The following PDE4D variants were observed in gnomAD, a reference collection of about 807,000 sequenced individuals.
The protein encoded by PDE4D is phosphodiesterase 4D.
In PDE4D, 24 loss-of-function variants were observed where a neutral mutation model predicts 87.4. That is an observed-to-expected ratio of 0.27 (90% CI 0.20 to 0.39). The LOEUF is 0.39. Ranked by LOEUF, PDE4D falls within the 10% of genes least tolerant of loss-of-function variation. The probability of loss-of-function intolerance (pLI) is 1.00; values close to 1 mark genes in which losing one functional copy is unlikely to be tolerated. For synonymous variants in PDE4D, 384 were observed against 383.2 expected (o/e 1.00, Z -0.02); for missense variants, 714 against 1,041.0 (o/e 0.69, Z 4.32).
intron 1 of PDE4D, among the ~76,000 whole-genome samples, chr5:59,411,486 T>C (rs772973266): frequency 1.3e-5 from 2 of 152,224 alleles, no homozygotes; most frequent in African/African-American, 4.8e-5. Flanking sequence ...TTGTCAGTGT[T>C]CTACAGTTTG....
chr5:60,223,896 A>T (rs1452988917), intron 1 of PDE4D, among the ~76,000 whole-genome samples: 1 of 152,112 alleles, frequency 6.6e-6, no homozygotes, highest in African/African-American at 2.4e-5. Context: ...GACAAATCAC[A>T]GTTTCTTCTG....
intron 1 of PDE4D, among the ~76,000 whole-genome samples, chr5:59,590,466 G>T (rs370792522): frequency 1.3e-5 from 2 of 152,048 alleles, no homozygotes; most frequent in African/African-American, 4.8e-5. Flanking sequence ...GATAACTTGA[G>T]CCCATTTCAA....
At chr5:60,289,869 C>T (rs954187589) in intron 1 of PDE4D, among the ~76,000 whole-genome samples, 1 of 152,110 alleles carries the variant, frequency 6.6e-6, no homozygotes, top group Non-Finnish European at 1.5e-5. Context: ...AAAAGAATCA[C>T]CTTAGAGACA....
intron 1 of PDE4D, among the ~76,000 whole-genome samples, chr5:59,384,868 T>C (rs1360999319): frequency 6.6e-6 from 1 of 152,072 alleles, no homozygotes; most frequent in Non-Finnish European, 1.5e-5. Flanking sequence ...TTCCCTTTTT[T>C]CACCTAGTTA....
intron 3 of PDE4D, among the ~76,000 whole-genome samples, chr5:59,900,287 C>CACATAT (rs142366012): frequency 6.9e-6 from 1 of 145,240 alleles, no homozygotes; most frequent in Non-Finnish European, 1.5e-5. Flanking sequence ...CACACACACA[C>CACATAT]ATATATATAT....
At chr5:59,666,882 C>T (rs1281883431) in intron 1 of PDE4D, among the ~76,000 whole-genome samples, 1 of 152,128 alleles carries the variant, frequency 6.6e-6, no homozygotes, top group Non-Finnish European at 1.5e-5. Context: ...AATCTGTTTC[C>T]TCATTCATAG....
chr5:60,186,835 A>C (rs114846392), intron 1 of PDE4D, among the ~76,000 whole-genome samples: 1,761 of 152,324 alleles, frequency 0.012, 51 homozygotes, highest in African/African-American at 0.039. Context: ...CAAAGTAACT[A>C]TGTATCATTT....
intron 5 of PDE4D, among the ~76,000 whole-genome samples, chr5:59,045,454 G>A (rs999053224): frequency 6.6e-6 from 1 of 151,518 alleles, no homozygotes; most frequent in African/African-American, 2.4e-5. Context: ...TTGGGAGGCT[G>A]AGGCAGGAGA....
intron 1 of PDE4D, among the ~76,000 whole-genome samples, chr5:60,220,529 G>T (rs183869184): frequency 3.3e-5 from 5 of 152,170 alleles, no homozygotes; most frequent in Admixed American, 6.5e-5. Flanking sequence ...CTAGATATTG[G>T]AGATTTTTAC....
chr5:59,099,892 T>C (rs1770434655), intron 5 of PDE4D, among the ~76,000 whole-genome samples: 2 of 152,230 alleles, frequency 1.3e-5, no homozygotes, highest in Non-Finnish European at 2.9e-5. Flanking sequence ...AGAACTTCTA[T>C]AATGCATATG....
At chr5:59,477,991 C>T (rs1490669503) in intron 1 of PDE4D, among the ~76,000 whole-genome samples, 2 of 151,848 alleles carry the variant, frequency 1.3e-5, no homozygotes, top group African/African-American at 2.4e-5. Flanking sequence ...AGCTAAACAC[C>T]GAGTACACAT....
At chr5:59,408,437 A>T (rs258120) in intron 1 of PDE4D, among the ~76,000 whole-genome samples, 3 of 152,034 alleles carry the variant, frequency 2.0e-5, no homozygotes, top group Non-Finnish European at 4.4e-5. Flanking sequence ...TGCTACAGGG[A>T]CAGAGTCCTC....
chr5:59,708,694 A>G (rs921062031), intron 1 of PDE4D, among the ~76,000 whole-genome samples: 3 of 152,178 alleles, frequency 2.0e-5, no homozygotes, highest in African/African-American at 7.2e-5. Context: ...AATGTAGACT[A>G]TGATATTCAC....
At chr5:59,068,022 A>G (rs964851334) in intron 5 of PDE4D, among the ~76,000 whole-genome samples, 3 of 152,216 alleles carry the variant, frequency 2.0e-5, no homozygotes, top group Non-Finnish European at 4.4e-5. Flanking sequence ...AATGAAGTTC[A>G]ATTGTAGATC....
intron 1 of PDE4D, among the ~76,000 whole-genome samples, chr5:60,339,028 T>C (rs1758068454): frequency 6.6e-6 from 1 of 152,192 alleles, no homozygotes; most frequent in African/African-American, 2.4e-5. Flanking sequence ...GCCTTTTTTA[T>C]CTTAGCTAAG....
rs75322622 is a variant in PDE4D at position 60,073,749 on chromosome 5, C to T, written c.43-85032G>A. Among the ~76,000 whole-genome samples, 541 of 151,974 alleles carry T rather than the reference C, an allele frequency of 3.6e-3. 2 individuals are homozygous for T. The highest frequency in any genetic ancestry group is 5.0e-3 in the Non-Finnish European group (340 of 67,928). Reference sequence around the variant, plus strand: ...GGATTCAATTTCTTCCTGGTTCAGTCTGAGAGAGTGTATATGTCCAGGGAT... The same window carrying T: ...GGATTCAATTTCTTCCTGGTTCAGTTTGAGAGAGTGTATATGTCCAGGGAT... On this transcript the variant is annotated intron_variant, in intron 2 of 16. Transcript: ENST00000502484.
chr5:60,374,400 T>C (rs1401444705), intron 1 of PDE4D, among the ~76,000 whole-genome samples: 1 of 152,294 alleles, frequency 6.6e-6, no homozygotes, highest in Admixed American at 6.5e-5. Flanking sequence ...CTCTTGGGGA[T>C]TCTTTAAAAA....
At chr5:59,911,358 C>T (rs936015857) in intron 3 of PDE4D, among the ~76,000 whole-genome samples, 4 of 152,266 alleles carry the variant, frequency 2.6e-5, no homozygotes, top group African/African-American at 4.8e-5. Flanking sequence ...ACTGGCTCAT[C>T]TGGTCTTGTG....
At chr5:59,290,413 C>T (rs754629503) in intron 1 of PDE4D, among the ~76,000 whole-genome samples, 4 of 151,960 alleles carry the variant, frequency 2.6e-5, no homozygotes, top group Non-Finnish European at 5.9e-5. Flanking sequence ...TTGCCATATA[C>T]AAAAATCAAG....
Sources: gnomAD v4.1 joint callset for allele counts (sites outside exome capture counted in the v4.1 genomes callset) on GRCh38, gnomAD v4.1.1 for gene constraint, MANE v1.5 for transcripts, NCBI Gene and HGNC (gene_info 2026-07-23, HGNC 2026-07-21) for gene names.